The following INPP5F variants were observed in gnomAD, a reference collection of about 807,000 sequenced individuals.
The protein encoded by INPP5F is phosphatidylinositide 4-phosphatase SAC2.
A neutral mutation model predicts 137.2 loss-of-function variants in INPP5F; 97 were observed. The ratio of observed to expected loss-of-function variants is 0.71; its 90% CI spans 0.60 to 0.84. The LOEUF (loss-of-function observed/expected upper bound fraction) is 0.84, where lower values mean the gene tolerates loss of function less well. Among genes scored for constraint, INPP5F ranks in the 40% least tolerant of loss-of-function variants. INPP5F has a pLI of 0.00. For synonymous variants in INPP5F, 504 were observed against 476.9 expected (o/e 1.06, Z -0.74); for missense variants, 1,271 against 1,371.9 (o/e 0.93, Z 1.16).
chr10:119,748,838 G>C lies in INPP5F; in HGVS notation c.98-2238G>C, dbSNP rs537816865. Among the ~76,000 whole-genome samples, 5 of 152,188 alleles carry C rather than the reference G, an allele frequency of 3.3e-5. No homozygotes were observed. The highest frequency in any genetic ancestry group is 7.3e-5 in the Non-Finnish European group (5 of 68,036). ...GACCCCAGGCTTCAGGTTGTCCCTG[G>C]CTTGAAGGTGGGGTTTTACCTGTGA... On this transcript the variant is annotated intron_variant, in intron 1 of 19. Coordinates refer to ENST00000650623, the MANE Select transcript of INPP5F (RefSeq NM_014937.4). This position sits in a 1 kb window ranked among gnomAD's most constrained non-coding sequence, Gnocchi z 4.7.
chr10:119,806,599 A>G, intron 12 of INPP5F, 119 bp downstream of exon 12: 1 of 908,542 alleles, frequency 1.1e-6, no homozygotes, highest in Non-Finnish European at 1.6e-6. Flanking sequence ...TTTACAATAT[A>G]CAAACACCCT....
chr10:119,796,744 C>A lies in INPP5F; in HGVS notation c.699C>A (p.Pro233=). The change falls in exon 7 of 20, where the codon CCC becomes CCA. Residue 233 remains proline, a synonymous_variant. Coordinates refer to ENST00000650623, the MANE Select transcript of INPP5F (RefSeq NM_014937.4). ...CAGATGTGGACTTTTGGATTATCCC[C>A]ATGATCCAAGGTTTTGTGCAGATTG... ...GTPDVDFWII[P]MIQGFVQIEE... is the part of the protein sequence containing the mutation. 1 of 1,613,882 alleles carries A rather than the reference C, an allele frequency of 6.2e-7. No individual in the cohort carries two copies.
At chr10:119,743,875 C>T (rs996675520) in intron 1 of INPP5F, among the ~76,000 whole-genome samples, 11 of 152,100 alleles carry the variant, frequency 7.2e-5, no homozygotes, top group Admixed American at 1.3e-4. Flanking sequence ...CCAGTTATTA[C>T]GTCCTGATAA....
At chr10:119,785,829 A>G (rs1849889998) in intron 3 of INPP5F, among the ~76,000 whole-genome samples, 2 of 152,204 alleles carry the variant, frequency 1.3e-5, no homozygotes, top group South Asian at 4.1e-4. Context: ...ACAGCACTCT[A>G]GCCTAGATGG....
At chr10:119,794,450 T>C (rs1226507606) in intron 6 of INPP5F, among the ~76,000 whole-genome samples, 1 of 152,028 alleles carries the variant, frequency 6.6e-6, no homozygotes, top group Non-Finnish European at 1.5e-5. Context: ...CCATCCGATT[T>C]CTCAATCTTT....
Position 119,827,939 on chromosome 10 carries a change from TTACAGCCAGGAC to T in INPP5F, c.*165_*176del, listed in dbSNP as rs1707830459. 1.6e-6 allele frequency: 1 copy of T among 606,976 alleles called. No homozygotes were observed. 37.6% of individuals were successfully genotyped at this position (606,976 alleles called of 1,614,324 possible). On this transcript the variant is annotated 3_prime_UTR_variant, in exon 20 of 20. Transcript: ENST00000650623. ...CGGAACCTGAGTAGATTTCCAAATT[TTACAGCCAGGAC>T]TACAGAAGTGCATCATTCTAGAATG...
chr10:119,746,202 A>G (rs900377484), intron 1 of INPP5F, among the ~76,000 whole-genome samples: 2 of 152,236 alleles, frequency 1.3e-5, no homozygotes. Flanking sequence ...GATGGGACAC[A>G]TACCAGAACA....
chr10:119,794,336 G>A (rs561719320), intron 6 of INPP5F, among the ~76,000 whole-genome samples: 7 of 152,314 alleles, frequency 4.6e-5, no homozygotes, highest in African/African-American at 1.7e-4. Context: ...GGGTTGGGGG[G>A]TAAGGTCACA....
chr10:119,750,657 G>A (rs193141713), intron 1 of INPP5F, among the ~76,000 whole-genome samples: 2 of 152,144 alleles, frequency 1.3e-5, no homozygotes, highest in South Asian at 4.1e-4. Context: ...AAGCATCTTC[G>A]GGAAAATGTA....
At chr10:119,812,950 T>C (rs906936651) in intron 15 of INPP5F, among the ~76,000 whole-genome samples, 26 of 152,118 alleles carry the variant, frequency 1.7e-4, no homozygotes, top group African/African-American at 6.0e-4. Flanking sequence ...TTACTTCCCA[T>C]TCAGAAATAA....
chr10:119,761,183 T>C (rs889875769), intron 2 of INPP5F, among the ~76,000 whole-genome samples: 1 of 152,206 alleles, frequency 6.6e-6, no homozygotes, highest in Non-Finnish European at 1.5e-5. Flanking sequence ...AAGCAGAATA[T>C]ACTTCTAATT....
At chr10:119,728,824 G>T (rs1847966054) in intron 1 of INPP5F, among the ~76,000 whole-genome samples, 1 of 152,126 alleles carries the variant, frequency 6.6e-6, no homozygotes, top group African/African-American at 2.4e-5. Flanking sequence ...AGAATTATTG[G>T]CCACCTTTAT....
intron 2 of INPP5F, 103 bp from the exon 3 acceptor site, chr10:119,781,532 C>A: frequency 1.0e-6 from 1 of 986,928 alleles, no homozygotes; most frequent in Non-Finnish European, 1.4e-6. Flanking sequence ...ATTTTGGATG[C>A]ACACTTTTTT....
chr10:119,818,494 C>T (rs1851383706), intron 15 of INPP5F, among the ~76,000 whole-genome samples: 1 of 152,252 alleles, frequency 6.6e-6, no homozygotes, highest in East Asian at 1.9e-4. Flanking sequence ...CAGCCGCAGG[C>T]ACTGTCCCTG....
chr10:119,728,914 C>A (rs1244353261), intron 1 of INPP5F, among the ~76,000 whole-genome samples: 2 of 152,170 alleles, frequency 1.3e-5, no homozygotes, highest in Non-Finnish European at 2.9e-5. Flanking sequence ...AGTTTGCCTA[C>A]TTCTTCCCCG....
At chr10:119,780,029 T>G (rs895259480) in intron 2 of INPP5F, among the ~76,000 whole-genome samples, 2 of 152,184 alleles carry the variant, frequency 1.3e-5, no homozygotes, top group African/African-American at 2.4e-5. Context: ...TTTCTATCAC[T>G]AGCAGTGCAG....
At chr10:119,804,334 C>A in intron 10 of INPP5F, 37 bp downstream of exon 10, 1 of 1,548,038 alleles carries the variant, frequency 6.5e-7, no homozygotes, top group Non-Finnish European at 8.7e-7. Context: ...TGATCAATTG[C>A]AGTGTTTTTG....
rs2134131668 is a variant in INPP5F at position 119,755,420 on chromosome 10, T to C, written c.178+4264T>C. On this transcript the variant is annotated intron_variant, in intron 2 of 19. Transcript: ENST00000650623. ...TCATCTTGTAATGACATCAGTCATTTTGGATTAAGGCCCACTCAAATAAAC... is the reference window on the plus strand; with the variant it reads ...TCATCTTGTAATGACATCAGTCATTCTGGATTAAGGCCCACTCAAATAAAC... Among the ~76,000 whole-genome samples, 4 of 152,310 alleles carry C rather than the reference T, an allele frequency of 2.6e-5. No individual in the cohort carries two copies. In the South Asian group the frequency reaches 8.3e-4, roughly 32 times the overall value.
intron 15 of INPP5F, among the ~76,000 whole-genome samples, chr10:119,818,272 C>T (rs1047843321): frequency 6.6e-6 from 1 of 152,256 alleles, no homozygotes; most frequent in Non-Finnish European, 1.5e-5. Context: ...GAGGAAACCA[C>T]GGACCTGCAG....
Sources: gnomAD v4.1 joint callset for allele counts (sites outside exome capture counted in the v4.1 genomes callset) on GRCh38, gnomAD v4.1.1 for gene constraint, Gnocchi (gnomAD v3.1) non-coding constraint, MANE v1.5 for transcripts, NCBI Gene and HGNC (gene_info 2026-07-23, HGNC 2026-07-21) for gene names.